Variants in CTNND2 observed in about 807,000 individuals in gnomAD.
The protein encoded by CTNND2 is catenin delta 2.
In CTNND2, 22 loss-of-function variants were observed where a neutral mutation model predicts 144.4. The observed-to-expected ratio is 0.15, with a 90% CI of 0.11 to 0.22. CTNND2 has a LOEUF of 0.22. Ranked by LOEUF, CTNND2 falls within the 10% of genes least tolerant of loss-of-function variation. The pLI is 1.00. For missense variants in CTNND2, 1,353 were observed against 1,618.8 expected, an observed-to-expected ratio of 0.84 and a Z score of 2.82; for synonymous variants, 751 against 695.6, an observed-to-expected ratio of 1.08 and a Z score of -1.25.
At chr5:11,596,976 T>A (rs1202240495) in intron 2 of CTNND2, among the ~76,000 whole-genome samples, 1 of 152,198 alleles carries the variant, frequency 6.6e-6, no homozygotes, top group Non-Finnish European at 1.5e-5. Context: ...TCTCATTTGT[T>A]CTTTGTACTA....
intron 3 of CTNND2, among the ~76,000 whole-genome samples, chr5:11,479,686 G>C (rs1768066333): frequency 6.6e-6 from 1 of 151,662 alleles, no homozygotes; most frequent in Admixed American, 6.6e-5. Flanking sequence ...CTTAATCATA[G>C]CCACTCTGAC....
At chr5:11,275,235 A>T (rs1411670001) in intron 9 of CTNND2, among the ~76,000 whole-genome samples, 2 of 152,174 alleles carry the variant, frequency 1.3e-5, no homozygotes, top group Non-Finnish European at 2.9e-5. Context: ...ACTGAGTCAC[A>T]AAGACACAAG....
At chr5:11,444,878 G>A (rs952375959) in intron 3 of CTNND2, among the ~76,000 whole-genome samples, 3 of 152,102 alleles carry the variant, frequency 2.0e-5, no homozygotes, top group Admixed American at 1.3e-4. Context: ...CCCAGGGCCT[G>A]GATTGGGGTA....
At chr5:11,292,566 A>C (rs545771284) in intron 9 of CTNND2, among the ~76,000 whole-genome samples, 21 of 152,038 alleles carry the variant, frequency 1.4e-4, no homozygotes, top group Non-Finnish European at 2.6e-4. Flanking sequence ...TGGTTTTATA[A>C]GTGTTTGACA....
At chr5:11,832,422 G>GA (rs1400907684) in intron 1 of CTNND2, among the ~76,000 whole-genome samples, 3 of 151,784 alleles carry the variant, frequency 2.0e-5, no homozygotes, top group East Asian at 1.9e-4. Flanking sequence ...CAGGAGCTAG[G>GA]AAAAAAACAA....
At position 11,411,600 on chromosome 5, in the gene CTNND2, G is replaced by C. The variant is rs985561568; in HGVS notation, c.375C>G (p.Asp125Glu). ...ATTCCTGTAGTGACCTAATACAGGA[G>C]TCCACCAGCTCGAGACCTGTTGTAA... ...DELTTGLELVDSCIRSLQESG... is the reference protein window; with the variant it reads ...DELTTGLELVESCIRSLQESG... Residue 125 changes from aspartate to glutamate, a missense_variant, in exon 5 of 22, where the codon GAC (aspartate) becomes GAG (glutamate). Around this residue, in one of 4 missense-constraint regions of CTNND2, gnomAD observed 708 missense variants for 706.4 expected, o/e 1.00. Transcript: ENST00000304623. 6.2e-7 allele frequency: 1 copy of C among 1,612,892 alleles called. No individual in the cohort carries two copies. The highest frequency in any genetic ancestry group is 2.2e-5 in the East Asian group (1 of 44,856).
intron 10 of CTNND2, among the ~76,000 whole-genome samples, chr5:11,211,969 A>C (rs1160179692): frequency 6.6e-6 from 1 of 152,198 alleles, no homozygotes; most frequent in East Asian, 1.9e-4. Context: ...AAGTCATCTC[A>C]AGACTTTCAT....
chr5:11,637,880 A>G (rs1286852522), intron 2 of CTNND2, among the ~76,000 whole-genome samples: 2 of 152,170 alleles, frequency 1.3e-5, no homozygotes, highest in East Asian at 3.8e-4. Flanking sequence ...AGATTAAGAC[A>G]TTTGAGTTCT....
In CTNND2 at chr5:11,783,563, G is replaced by T. The variant is rs1221733990; in HGVS notation, c.38-51291C>A. Among the ~76,000 whole-genome samples, 7 of 152,196 alleles carry T rather than the reference G, an allele frequency of 4.6e-5. No homozygotes were observed. In the South Asian group the frequency reaches 1.2e-3, roughly 27 times the overall value. ...CTAGACCAGCTTGGTTTTTCATAATGGTTTTTAGGTATAGAGCAGATGACA... is the reference window on the plus strand; with the variant it reads ...CTAGACCAGCTTGGTTTTTCATAATTGTTTTTAGGTATAGAGCAGATGACA... On this transcript the variant is annotated intron_variant, in intron 1 of 21. Transcript: ENST00000304623.
At chr5:11,386,228 A>T (rs1046142527) in intron 6 of CTNND2, among the ~76,000 whole-genome samples, 5 of 152,148 alleles carry the variant, frequency 3.3e-5, no homozygotes, top group Admixed American at 2.6e-4. Flanking sequence ...GAGGATTTTG[A>T]GAGCCTGCTG....
chr5:11,620,204 C>T (rs10053548), intron 2 of CTNND2, among the ~76,000 whole-genome samples: 2,558 of 152,126 alleles, frequency 0.017, 86 homozygotes, highest in African/African-American at 0.058. Context: ...CATCTTGGGA[C>T]CTGGCTGACC....
chr5:11,022,079 C>T (rs1742315841), intron 17 of CTNND2, among the ~76,000 whole-genome samples: 1 of 152,154 alleles, frequency 6.6e-6, no homozygotes, highest in African/African-American at 2.4e-5. Flanking sequence ...GGTGCAGTTG[C>T]TTTGACACCA....
intron 6 of CTNND2, among the ~76,000 whole-genome samples, chr5:11,396,012 A>C (rs1402588478): frequency 6.6e-6 from 1 of 152,176 alleles, no homozygotes; most frequent in East Asian, 1.9e-4. Context: ...TGGATGGATA[A>C]CATCAATAAA....
chr5:11,647,652 C>A (rs1347682451), intron 2 of CTNND2, among the ~76,000 whole-genome samples: 1 of 152,066 alleles, frequency 6.6e-6, no homozygotes, highest in Non-Finnish European at 1.5e-5. Flanking sequence ...TTCCTGCACC[C>A]CACACAATTC....
In CTNND2 at chr5:11,642,382, G is replaced by A. The variant is rs114922053; in HGVS notation, c.175-77326C>T. On this transcript the variant is annotated intron_variant, in intron 2 of 21. Transcript: ENST00000304623. ...TTTTAAAAAGGAATCATAGAACAAG[G>A]GGGTTGCAATTTGAAGCAGCTGAGT... Among the ~76,000 whole-genome samples, 320 of 152,256 alleles carry A rather than the reference G, an allele frequency of 2.1e-3. 4 individuals carry two copies. Among genetic ancestry groups the A allele is most frequent in the Non-Finnish European group, 3.1e-3 (210 of 68,032 alleles).
Position 11,411,648 on chromosome 5 carries a change from A to T in CTNND2, c.327T>A (p.Gly109=). Residue 109 remains glycine, a synonymous_variant, in exon 5 of 22, where the codon GGT becomes GGA. Coordinates refer to ENST00000304623, the MANE Select transcript of CTNND2 (RefSeq NM_001332.4). The part of the protein sequence containing the change: ...EEQFQWQSQD[G]QKDIEDELTT... Reference sequence around the variant, plus strand: ...TAAGCTCATCTTCGATATCTTTTTGACCATCTGAAATGAAATATTTTAAAG... The same window carrying T: ...TAAGCTCATCTTCGATATCTTTTTGTCCATCTGAAATGAAATATTTTAAAG... The T allele has an allele frequency of 6.3e-7, 1 of 1,585,084 alleles. No homozygotes were observed. Among genetic ancestry groups the T allele is most frequent in the Non-Finnish European group, 8.6e-7 (1 of 1,156,550 alleles).
intron 1 of CTNND2, among the ~76,000 whole-genome samples, chr5:11,787,053 C>T (rs529121276): frequency 6.6e-6 from 1 of 152,242 alleles, no homozygotes; most frequent in East Asian, 1.9e-4. Flanking sequence ...GTTTGTGATG[C>T]TATGGATGGA....
chr5:11,101,887 A>ATGTGTGTGTGTGTGTGTG (rs201704440), intron 14 of CTNND2, among the ~76,000 whole-genome samples: 2,175 of 145,204 alleles, frequency 0.015, 62 homozygotes, highest in African/African-American at 0.051. Context: ...ACGACCACAT[A>ATGTGTGTGTGTGTGTGTG]TGTGTGTGTG....
intron 16 of CTNND2, among the ~76,000 whole-genome samples, chr5:11,055,533 A>G (rs1328199458): frequency 6.6e-6 from 1 of 152,224 alleles, no homozygotes; most frequent in Non-Finnish European, 1.5e-5. Flanking sequence ...CCGTTCAGTG[A>G]GTTACTCATT....
Sources: gnomAD v4.1 joint callset for allele counts (sites outside exome capture counted in the v4.1 genomes callset) on GRCh38, gnomAD v4.1.1 for gene constraint, gnomAD v4.1.1 regional missense constraint, MANE v1.5 for transcripts, NCBI Gene and HGNC (gene_info 2026-07-23, HGNC 2026-07-21) for gene names.